PPARA: variants seen among roughly 807,000 people sequenced by gnomAD.
PPARA encodes the protein peroxisome proliferator activated receptor alpha.
In PPARA, 22 loss-of-function variants were observed where a neutral mutation model predicts 42.2. The ratio of observed to expected loss-of-function variants is 0.52; its 90% CI spans 0.37 to 0.74. The LOEUF is 0.74. Among genes scored for constraint, PPARA ranks in the 30% least tolerant of loss-of-function variants. PPARA has a pLI of 0.00. For synonymous variants in PPARA, 242 were observed against 239.3 expected (o/e 1.01, Z -0.10); for missense variants, 465 against 608.2 (o/e 0.76, Z 2.48).
chr22:46,177,834 G>C (rs982157638), intron 3 of PPARA, among the ~76,000 whole-genome samples: 10 of 152,164 alleles, frequency 6.6e-5, no homozygotes, highest in Admixed American at 1.3e-4. Context: ...TACCCAGTGA[G>C]ACAGATGAGA....
Position 46,216,273 on chromosome 22 carries a change from C to T in PPARA, c.369+940C>T, listed in dbSNP as rs1934478482. ...TGGTGGGTGCCTGTAATCCCAGCTA[C>T]TTGGGAGGCTGAAGCAGGAGAATTG... is the stretch of plus-strand genomic sequence containing the variant. On this transcript the variant is annotated intron_variant, in intron 5 of 8. Transcript: ENST00000407236. This position sits in a 1 kb window ranked among gnomAD's most constrained non-coding sequence, Gnocchi z 4.5. Among the ~76,000 whole-genome samples the T allele has an allele frequency of 6.6e-6, 1 of 151,602 alleles. No homozygotes were observed. The highest frequency in any genetic ancestry group is 1.9e-4 in the East Asian group (1 of 5,164).
Position 46,188,315 on chromosome 22 carries a change from G to A in PPARA, c.-42-10027G>A, listed in dbSNP as rs1490974508. On this transcript the variant is annotated intron_variant, in intron 3 of 8. Coordinates refer to ENST00000407236, the MANE Select transcript of PPARA (RefSeq NM_005036.6). This position sits in a 1 kb window ranked among gnomAD's most constrained non-coding sequence, Gnocchi z 5.0. ...CATTCTCAACCACTTATTCAATGATGTTTTGGGCCATATATGCAGATATGC... is the reference window on the plus strand; with the variant it reads ...CATTCTCAACCACTTATTCAATGATATTTTGGGCCATATATGCAGATATGC... 6.6e-6 allele frequency among the ~76,000 whole-genome samples: 1 copy of A among 152,200 alleles called. No homozygotes were observed. The highest frequency in any genetic ancestry group is 1.5e-5 in the Non-Finnish European group (1 of 68,032).
rs996018398 is a variant in PPARA at position 46,195,975 on chromosome 22, C to A, written c.-42-2367C>A. Among the ~76,000 whole-genome samples, 1 of 152,148 alleles carries A rather than the reference C, an allele frequency of 6.6e-6. No homozygotes were observed. The highest frequency in any genetic ancestry group is 2.4e-5 in the African/African-American group (1 of 41,432). ...CTCTAGAAGGCAGCGGTGGGCAGGG[C>A]GGTTCAGGCAGGTGGCACCTGGGCA... On this transcript the variant is annotated intron_variant, in intron 3 of 8. Transcript: ENST00000407236. This position sits in a 1 kb window ranked among gnomAD's most constrained non-coding sequence, Gnocchi z 4.6.
At chr22:46,175,758 A>G (rs930034518) in intron 2 of PPARA, among the ~76,000 whole-genome samples, 1 of 152,046 alleles carries the variant, frequency 6.6e-6, no homozygotes, top group African/African-American at 2.4e-5. Context: ...CATATGGCAT[A>G]TAACCGTTTG....
Position 46,184,385 on chromosome 22 carries a change from C to G in PPARA, c.-43+7549C>G, listed in dbSNP as rs1930372533. 6.6e-6 allele frequency among the ~76,000 whole-genome samples: 1 copy of G among 152,144 alleles called. No individual in the cohort carries two copies. The highest frequency in any genetic ancestry group is 2.4e-5 in the African/African-American group (1 of 41,422). ...CATGGGGAGACAGAGTCCAGAATCT[C>G]AGAGAGAGACACAGTTACCTTTTAG... On this transcript the variant is annotated intron_variant, in intron 3 of 8. Coordinates refer to ENST00000407236, the MANE Select transcript of PPARA (RefSeq NM_005036.6). This position sits in a 1 kb window ranked among gnomAD's most constrained non-coding sequence, Gnocchi z 4.4.
rs772329484 is a variant in PPARA at position 46,182,676 on chromosome 22, G to A, written c.-43+5840G>A. ...ACATACGGCAAAAAATACCAAATTT[G>A]TACACTTTAAATATGTACAGATTAT... On this transcript the variant is annotated intron_variant, in intron 3 of 8. Coordinates refer to ENST00000407236, the MANE Select transcript of PPARA (RefSeq NM_005036.6). This position sits in a 1 kb window ranked among gnomAD's most constrained non-coding sequence, Gnocchi z 5.2. Among the ~76,000 whole-genome samples, 2 of 152,102 alleles carry A rather than the reference G, an allele frequency of 1.3e-5. No individual in the cohort carries two copies. The highest frequency in any genetic ancestry group is 2.4e-5 in the African/African-American group (1 of 41,410).
At chr22:46,201,636 A>G (rs1469660306) in intron 4 of PPARA, among the ~76,000 whole-genome samples, 2 of 151,934 alleles carry the variant, frequency 1.3e-5, no homozygotes, top group Non-Finnish European at 2.9e-5. Flanking sequence ...CTGCCCACAC[A>G]CCTCACACCT....
In PPARA at chr22:46,243,098, AAGC is replaced by A. The variant is rs1376652376; in HGVS notation, c.*7721_*7723del. The A allele has an allele frequency of 6.6e-6, 1 of 152,598 alleles. No individual in the cohort carries two copies. Among genetic ancestry groups the A allele is most frequent in the East Asian group, 1.9e-4 (1 of 5,204 alleles). The allele number at this position is 152,598 out of a possible 1,614,324, so 9.5% of individuals were successfully genotyped here. A position where few individuals can be genotyped will look rare whatever the true frequency, so the allele number is the denominator to read the frequency against. ...TCCAGGTGGCCCAACCCAAAGCAGA[AAGC>A]AGAAACCACAGACCCCGTGAGTCTC... is the stretch of plus-strand genomic sequence containing the variant. On this transcript the variant is annotated 3_prime_UTR_variant, in exon 9 of 9. Transcript: ENST00000407236. This position sits in a 1 kb window ranked among gnomAD's most constrained non-coding sequence, Gnocchi z 5.0.
intron 3 of PPARA, among the ~76,000 whole-genome samples, chr22:46,194,121 C>T (rs778940309): frequency 5.3e-5 from 8 of 152,176 alleles, no homozygotes; most frequent in Non-Finnish European, 1.2e-4. Flanking sequence ...CCTCTGCTGT[C>T]TATCTGGGGG....
intron 7 of PPARA, among the ~76,000 whole-genome samples, chr22:46,223,685 T>A (rs1228067378): frequency 7.4e-6 from 1 of 134,954 alleles, no homozygotes; most frequent in African/African-American, 2.8e-5. Context: ...TGCTCATGCT[T>A]ATGCCTGTAA....
At chr22:46,186,699 C>T (rs983216407) in intron 3 of PPARA, among the ~76,000 whole-genome samples, 3 of 151,928 alleles carry the variant, frequency 2.0e-5, no homozygotes, top group Admixed American at 6.6e-5. Context: ...GGTGAGAGAG[C>T]GAGACTCTGT....
chr22:46,205,431 G>A (rs1933138123), intron 4 of PPARA, among the ~76,000 whole-genome samples: 1 of 142,698 alleles, frequency 7.0e-6, no homozygotes. Context: ...TGTTGCCCAG[G>A]TTGGTCTCAA....
rs1935100206 is a variant in PPARA, at chr22:46,222,708, T to G, written c.711+2694T>G. Reference sequence around the variant, plus strand: ...TAAAACTTTTGTTTGCCAGCTTATATTTCTCCCTTGGATTTCAGAATTGAA... The same window carrying G: ...TAAAACTTTTGTTTGCCAGCTTATAGTTCTCCCTTGGATTTCAGAATTGAA... On this transcript the variant is annotated intron_variant, in intron 7 of 8. Coordinates refer to ENST00000407236, the MANE Select transcript of PPARA (RefSeq NM_005036.6). This position sits in a 1 kb window ranked among gnomAD's most constrained non-coding sequence, Gnocchi z 5.9. 1.3e-5 allele frequency among the ~76,000 whole-genome samples: 2 copies of G among 152,146 alleles called. No homozygotes were observed. Among genetic ancestry groups the G allele is most frequent in the Non-Finnish European group, 2.9e-5 (2 of 68,022 alleles).
In PPARA at chr22:46,215,175, A is replaced by T. The variant is rs1305644745; in HGVS notation, c.211A>T (p.Thr71Ser). 4 of 1,613,640 alleles carry T rather than the reference A, an allele frequency of 2.5e-6. No individual in the cohort carries two copies. In the South Asian group the frequency reaches 4.4e-5, roughly 18 times the overall value. Reference protein sequence around the residue: ...PGSDGSVITDTLSPASSPSSV... With the variant: ...PGSDGSVITDSLSPASSPSSV... ...CCGTCTCTCCTCTTTTTCCCCAGACACGCTTTCACCAGCTTCGAGCCCCTC... is the reference window on the plus strand; with the variant it reads ...CCGTCTCTCCTCTTTTTCCCCAGACTCGCTTTCACCAGCTTCGAGCCCCTC... Residue 71 changes from threonine to serine, a missense_variant and splice_region_variant, in exon 5 of 9, where the codon ACG (threonine) becomes TCG (serine). Thr to Ser is a moderately conservative substitution (Grantham distance 58). Around this residue, in one of 2 missense-constraint regions of PPARA, gnomAD observed 152 missense variants for 139.1 expected, o/e 1.09. Transcript: ENST00000407236.
At position 46,216,812 on chromosome 22, in the gene PPARA, G is replaced by C. The variant is rs532001764; in HGVS notation, c.370-1451G>C. On this transcript the variant is annotated intron_variant, in intron 5 of 8. Transcript: ENST00000407236. This position sits in a 1 kb window ranked among gnomAD's most constrained non-coding sequence, Gnocchi z 4.5. Reference sequence around the variant, plus strand: ...TGGTGGCCCTTCCGTGTTTGTCAGCGTGGTGATGAGGAGAGCTCCTGTAGC... The same window carrying C: ...TGGTGGCCCTTCCGTGTTTGTCAGCCTGGTGATGAGGAGAGCTCCTGTAGC... 6.6e-6 allele frequency among the ~76,000 whole-genome samples: 1 copy of C among 152,230 alleles called. No individual in the cohort carries two copies. The highest frequency in any genetic ancestry group is 1.5e-5 in the Non-Finnish European group (1 of 68,046).
In PPARA at chr22:46,171,646, A is replaced by G. The variant is rs748896024; in HGVS notation, c.-126-5107A>G. On this transcript the variant is annotated intron_variant, in intron 2 of 8. Coordinates refer to ENST00000407236, the MANE Select transcript of PPARA (RefSeq NM_005036.6). The surrounding 1 kb of genome is among the most constrained non-coding windows in gnomAD (Gnocchi z 5.0). ...GACATCAGGATGGGAGCATCCTGACAGGGAGGGCAGCAGGGTGGGCTCATG... is the reference window on the plus strand; with the variant it reads ...GACATCAGGATGGGAGCATCCTGACGGGGAGGGCAGCAGGGTGGGCTCATG... Among the ~76,000 whole-genome samples, 1 of 152,138 alleles carries G rather than the reference A, an allele frequency of 6.6e-6. No homozygotes were observed. The highest frequency in any genetic ancestry group is 1.5e-5 in the Non-Finnish European group (1 of 67,992).
intron 4 of PPARA, among the ~76,000 whole-genome samples, chr22:46,198,894 C>A (rs541492171): frequency 6.6e-6 from 1 of 152,248 alleles, no homozygotes; most frequent in South Asian, 2.1e-4. Flanking sequence ...CTCCTGACCT[C>A]ATGATCTGCC....
At position 46,215,311 on chromosome 22, in the gene PPARA, T is replaced by A; in HGVS notation, c.347T>A (p.Val116Asp). Residue 116 changes from valine (V) to aspartate (D), a missense_variant, in exon 5 of 9, where the codon GTC becomes GAC. By Grantham distance (152) the Val-to-Asp change is radical. Transcript: ENST00000407236. ...GDKASGYHYG[V>D]HACEGCKGFF... is the part of the protein sequence containing the mutation. ...AAGGCCTCAGGCTATCATTACGGAG[T>A]CCACGCGTGTGAAGGCTGCAAGGTA... The A allele has an allele frequency of 6.2e-7, 1 of 1,613,814 alleles. No homozygotes were observed. Among genetic ancestry groups the A allele is most frequent in the South Asian group, 1.1e-5 (1 of 91,068 alleles).
Position 46,233,582 on chromosome 22 carries a change from A to G in PPARA, c.1159+1343A>G, listed in dbSNP as rs4253776. ...ATGAAGGAAGTCCTTGCGCTCTGGC[A>G]TAAAGTGTACAAAGACAAAGCAGTT... On this transcript the variant is annotated intron_variant, in intron 8 of 8. Transcript: ENST00000407236. The surrounding 1 kb of genome is among the most constrained non-coding windows in gnomAD (Gnocchi z 7.3). 0.2 allele frequency among the ~76,000 whole-genome samples: 30,488 copies of G among 152,230 alleles called. 4,871 individuals carry two copies. The highest frequency in any genetic ancestry group is 0.44 in the African/African-American group (18,337 of 41,496).
Sources: allele counts gnomAD v4.1 joint callset (sites outside exome capture counted in the v4.1 genomes callset), GRCh38; gene constraint gnomAD v4.1.1; regional missense constraint gnomAD v4.1.1; non-coding constraint Gnocchi (gnomAD v3.1); transcripts MANE v1.5; gene names NCBI Gene and HGNC (gene_info 2026-07-23, HGNC 2026-07-21).